Variants in IGF2BP2 observed in about 807,000 individuals in gnomAD.
IGF2BP2 encodes insulin like growth factor 2 mRNA binding protein 2.
A neutral mutation model predicts 75.8 loss-of-function variants in IGF2BP2; 17 were observed. The observed-to-expected ratio is 0.22, with a 90% CI of 0.15 to 0.34. The LOEUF (loss-of-function observed/expected upper bound fraction) is 0.34, where lower values mean the gene tolerates loss of function less well. Among genes scored for constraint, IGF2BP2 ranks in the 10% least tolerant of loss-of-function variants. IGF2BP2 has a pLI of 1.00. For missense variants in IGF2BP2, 516 were observed against 772.4 expected (o/e 0.67, Z 3.93); for synonymous variants, 288 against 295.6 (o/e 0.97, Z 0.26).
intron 2 of IGF2BP2, among the ~76,000 whole-genome samples, chr3:185,711,725 C>T (rs570880667): frequency 2.6e-5 from 4 of 152,288 alleles, no homozygotes; most frequent in South Asian, 2.1e-4. Flanking sequence ...CTTCCCTGGA[C>T]GCAGCCCAGG....
At chr3:185,718,409 C>A (rs948018642) in intron 2 of IGF2BP2, among the ~76,000 whole-genome samples, 11 of 152,096 alleles carry the variant, frequency 7.2e-5, no homozygotes, top group African/African-American at 2.7e-4. Flanking sequence ...AAGTCAGGCT[C>A]GGGGGCGGTG....
intron 2 of IGF2BP2, among the ~76,000 whole-genome samples, chr3:185,709,378 T>G (rs1185779814): frequency 3.9e-5 from 6 of 152,186 alleles, no homozygotes; most frequent in Non-Finnish European, 8.8e-5. Flanking sequence ...CCAAGCAGTG[T>G]CTGGAGCACA....
chr3:185,812,874 A>G (rs540180265), intron 2 of IGF2BP2, among the ~76,000 whole-genome samples: 1 of 152,334 alleles, frequency 6.6e-6, no homozygotes, highest in East Asian at 1.9e-4. Context: ...TAAAAGATAC[A>G]ATGTTGGCCT....
chr3:185,705,558 G>GA (rs1723905193), intron 2 of IGF2BP2, among the ~76,000 whole-genome samples: 1 of 126,918 alleles, frequency 7.9e-6, no homozygotes, highest in African/African-American at 3.1e-5. Flanking sequence ...CTGCTTGAAT[G>GA]AAACAGGAAA....
At chr3:185,776,823 C>T (rs1734593177) in intron 2 of IGF2BP2, among the ~76,000 whole-genome samples, 2 of 152,192 alleles carry the variant, frequency 1.3e-5, no homozygotes, top group Admixed American at 1.3e-4. Flanking sequence ...ACAACTTTCT[C>T]AAACATTCCA....
In IGF2BP2 at chr3:185,778,103, C is replaced by CT. The variant is rs562282212; in HGVS notation, c.239+45049dup. 1.3e-4 allele frequency among the ~76,000 whole-genome samples: 20 copies of CT among 152,228 alleles called. No individual in the cohort carries two copies. The South Asian group carries it at 3.5e-3, about 27-fold the overall frequency. ...TGTCATGCATTTGTACTACCATCTA[C>CT]TTTCATTTTACAGTAATTTATATTC... is the stretch of plus-strand genomic sequence containing the variant. On this transcript the variant is annotated intron_variant, in intron 2 of 15. Coordinates refer to ENST00000382199, the MANE Select transcript of IGF2BP2 (RefSeq NM_006548.6).
intron 2 of IGF2BP2, among the ~76,000 whole-genome samples, chr3:185,819,322 T>G (rs1444593217): frequency 1.3e-5 from 2 of 152,142 alleles, no homozygotes; most frequent in Non-Finnish European, 2.9e-5. Flanking sequence ...TTTTTATGTA[T>G]TTGGTGAATT....
chr3:185,713,560 ATTGT>A (rs1725146018), intron 2 of IGF2BP2: 3 of 502,264 alleles, frequency 6.0e-6, no homozygotes, highest in Non-Finnish European at 1.2e-5. Context: ...CAGAATGAAA[ATTGT>A]TTATTTCACA....
intron 2 of IGF2BP2, among the ~76,000 whole-genome samples, chr3:185,718,527 T>C (rs1443014136): frequency 6.6e-6 from 1 of 150,960 alleles, no homozygotes; most frequent in Non-Finnish European, 1.5e-5. Context: ...CTACTAAAAA[T>C]ACAAAAAATT....
At chr3:185,821,269 G>A in intron 2 of IGF2BP2, 1 of 681,438 alleles carries the variant, frequency 1.5e-6, no homozygotes, top group Non-Finnish European at 2.3e-6. Flanking sequence ...CATTTTCAGT[G>A]TAGTGAATCA....
chr3:185,732,785 A>G (rs1011771831), intron 2 of IGF2BP2, among the ~76,000 whole-genome samples: 5 of 152,202 alleles, frequency 3.3e-5, no homozygotes, highest in Admixed American at 2.0e-4. Context: ...TAGAGAAAAT[A>G]TTTTTTCCCC....
chr3:185,682,702 G>T lies in IGF2BP2; in HGVS notation c.812+4355C>A, dbSNP rs545232507. Among the ~76,000 whole-genome samples, 211 of 152,210 alleles carry T rather than the reference G, an allele frequency of 1.4e-3. 1 individual carries two copies. The highest frequency in any genetic ancestry group is 4.5e-3 in the African/African-American group (186 of 41,542). ...AAAAAGATGCTCAATATCACCAATC[G>T]CTAATCATCAGAGAAATACAAATCA... On this transcript the variant is annotated intron_variant, in intron 7 of 15. Coordinates refer to ENST00000382199, the MANE Select transcript of IGF2BP2 (RefSeq NM_006548.6).
At chr3:185,716,536 C>A (rs374446710) in intron 2 of IGF2BP2, 42 of 520,016 alleles carry the variant, frequency 8.1e-5, no homozygotes, top group Non-Finnish European at 1.4e-4. Flanking sequence ...TCCTGTAGCC[C>A]TCCTCAGATG....
Position 185,698,345 on chromosome 3 carries a change from C to A in IGF2BP2, c.242G>T (p.Ser81Ile). The A allele has an allele frequency of 1.2e-6, 2 of 1,613,892 alleles. No homozygotes were observed. Among genetic ancestry groups the A allele is most frequent in the Non-Finnish European group, 1.7e-6 (2 of 1,179,800 alleles). The change falls in exon 3 of 16, where the codon AGC (serine) becomes ATC (isoleucine). Residue 81 changes from serine to isoleucine, a missense_variant and splice_region_variant. By Grantham distance (142) the Ser-to-Ile change is moderately radical. Around this residue, in one of 3 missense-constraint regions of IGF2BP2, gnomAD observed 312 missense variants for 474.5 expected, o/e 0.66. Transcript: ENST00000382199. ...GATGTTTCGAATCTGAATTTTCCTG[C>A]TCCTGTAAAGATAAAACCACAGACT... ...VDYSVSKKLR[S>I]RKIQIRNIPP...
chr3:185,779,843 T>C (rs1734983380), intron 2 of IGF2BP2, among the ~76,000 whole-genome samples: 1 of 152,198 alleles, frequency 6.6e-6, no homozygotes, highest in Non-Finnish European at 1.5e-5. Context: ...TTATTTGCCA[T>C]TAAACAATAA....
At chr3:185,779,096 A>G (rs1734888141) in intron 2 of IGF2BP2, among the ~76,000 whole-genome samples, 1 of 148,872 alleles carries the variant, frequency 6.7e-6, no homozygotes, top group Non-Finnish European at 1.5e-5. Flanking sequence ...TTTTTTTTGC[A>G]GTTATTTTTA....
chr3:185,721,092 G>A (rs1336053234), intron 2 of IGF2BP2, among the ~76,000 whole-genome samples: 1 of 152,084 alleles, frequency 6.6e-6, no homozygotes, highest in Non-Finnish European at 1.5e-5. Flanking sequence ...AGAAGCCCCA[G>A]GCGTCTTAAT....
In IGF2BP2 at chr3:185,689,219, T is replaced by C; in HGVS notation, c.677+136A>G. On this transcript the variant is annotated intron_variant, in intron 6 of 15. Coordinates refer to ENST00000382199, the MANE Select transcript of IGF2BP2 (RefSeq NM_006548.6). The stretch of plus-strand genomic sequence containing the variant: ...TGATGTTAGTCTGTTAGTAGTCCTG[T>C]TGAAAGAAGCCACTGTCTCTTACAG... 4 of 872,556 alleles carry C rather than the reference T, an allele frequency of 4.6e-6. 1 individual carries two copies. The highest frequency in any genetic ancestry group is 5.3e-6 in the Non-Finnish European group (3 of 571,384). The allele number at this position is 872,556 out of a possible 1,614,324, so 54.1% of individuals were successfully genotyped here. A position where few individuals can be genotyped will look rare whatever the true frequency, so the allele number is the denominator to read the frequency against.
chr3:185,725,468 T>TG (rs1003891708), intron 2 of IGF2BP2, among the ~76,000 whole-genome samples: 1 of 152,020 alleles, frequency 6.6e-6, no homozygotes, highest in African/African-American at 2.4e-5. Context: ...AAATTAGATG[T>TG]GGGGGGTCGA....
Sources: gnomAD v4.1 joint callset for allele counts (sites outside exome capture counted in the v4.1 genomes callset) on GRCh38, gnomAD v4.1.1 for gene constraint, gnomAD v4.1.1 regional missense constraint, MANE v1.5 for transcripts, NCBI Gene and HGNC (gene_info 2026-07-23, HGNC 2026-07-21) for gene names.